KDM4C: variants seen among roughly 807,000 people sequenced by gnomAD.
KDM4C encodes lysine demethylase 4C.
Under a neutral mutation model 129.3 loss-of-function variants are expected in KDM4C, and 81 were observed. The ratio of observed to expected loss-of-function variants is 0.63; its 90% CI spans 0.52 to 0.75. KDM4C has a LOEUF of 0.75. Ranked by LOEUF, KDM4C falls within the 30% of genes least tolerant of loss-of-function variation. The pLI is 0.00. For missense variants in KDM4C, 1,457 were observed against 1,304.0 expected (o/e 1.12, Z -1.81); for synonymous variants, 573 against 456.1 (o/e 1.26, Z -3.26).
chr9:6,780,768 CAAA>C (rs34457968), intron 1 of KDM4C, among the ~76,000 whole-genome samples: 183 of 32,124 alleles, frequency 5.7e-3, no homozygotes, highest in African/African-American at 0.023. Flanking sequence ...AACTCCCTCT[CAAA>C]AAAAAAAAAA....
intron 5 of KDM4C, among the ~76,000 whole-genome samples, chr9:6,878,688 A>G (rs978993839): frequency 6.6e-6 from 1 of 152,118 alleles, no homozygotes; most frequent in Non-Finnish European, 1.5e-5. Flanking sequence ...AAATATCTCC[A>G]TATCCTACCT....
At chr9:7,102,488 G>T (rs1223289254) in intron 17 of KDM4C, among the ~76,000 whole-genome samples, 1 of 151,912 alleles carries the variant, frequency 6.6e-6, no homozygotes, top group South Asian at 2.1e-4. Context: ...ATACACATTG[G>T]GAATCCATTA....
At chr9:6,744,392 G>A (rs982506605) in intron 1 of KDM4C, among the ~76,000 whole-genome samples, 2 of 152,094 alleles carry the variant, frequency 1.3e-5, no homozygotes, top group South Asian at 2.1e-4. Context: ...GGGCATGGTG[G>A]CGTGCGCCTG....
intron 1 of KDM4C, among the ~76,000 whole-genome samples, chr9:6,770,410 T>G (rs924664704): frequency 6.6e-6 from 1 of 152,194 alleles, no homozygotes; most frequent in African/African-American, 2.4e-5. Flanking sequence ...CTATTTCATT[T>G]TGTAGATATT....
At chr9:7,124,533 A>G (rs534440484) in intron 18 of KDM4C, among the ~76,000 whole-genome samples, 1 of 152,210 alleles carries the variant, frequency 6.6e-6, no homozygotes, top group South Asian at 2.1e-4. Context: ...CACTCATATT[A>G]ATTACTACAT....
At chr9:6,744,468 T>C (rs2130275414) in intron 1 of KDM4C, among the ~76,000 whole-genome samples, 1 of 152,248 alleles carries the variant, frequency 6.6e-6, no homozygotes, top group East Asian at 1.9e-4. Flanking sequence ...GAGGTTGCAG[T>C]GAGCTGAGAT....
intron 1 of KDM4C, among the ~76,000 whole-genome samples, chr9:6,787,701 C>G (rs920648072): frequency 6.6e-5 from 10 of 152,212 alleles, no homozygotes; most frequent in African/African-American, 2.4e-4. Context: ...TGTAAATTGC[C>G]TCCTTGTCGA....
At chr9:6,906,535 G>A (rs926393087) in intron 8 of KDM4C, among the ~76,000 whole-genome samples, 2 of 152,164 alleles carry the variant, frequency 1.3e-5, no homozygotes, top group Non-Finnish European at 2.9e-5. Context: ...TAGTAGCTGG[G>A]ACTACAGGTG....
At chr9:6,834,366 A>G (rs971297790) in intron 4 of KDM4C, 1 of 316,962 alleles carries the variant, frequency 3.2e-6, no homozygotes, top group Admixed American at 4.0e-5. Context: ...TTTAAAAATC[A>G]TCTTGTTGGC....
intron 8 of KDM4C, among the ~76,000 whole-genome samples, chr9:6,946,090 T>G (rs1316494189): frequency 6.6e-6 from 1 of 152,170 alleles, no homozygotes; most frequent in East Asian, 1.9e-4. Flanking sequence ...TAGATGAGAA[T>G]GATCCTATGG....
chr9:6,778,553 G>A (rs539048785), intron 1 of KDM4C, among the ~76,000 whole-genome samples: 6 of 150,966 alleles, frequency 4.0e-5, no homozygotes, highest in African/African-American at 7.3e-5. Context: ...GATCACCTAA[G>A]GTCAGGAGTT....
intron 8 of KDM4C, among the ~76,000 whole-genome samples, chr9:6,928,552 C>G (rs1417044516): frequency 6.6e-6 from 1 of 151,904 alleles, no homozygotes; most frequent in Non-Finnish European, 1.5e-5. Context: ...ATTATCACTT[C>G]AAATGTTACG....
At chr9:6,784,468 G>T (rs1825042227) in intron 1 of KDM4C, among the ~76,000 whole-genome samples, 1 of 152,166 alleles carries the variant, frequency 6.6e-6, no homozygotes, top group Non-Finnish European at 1.5e-5. Context: ...CTGACCTCCA[G>T]TGGTCCACCC....
chr9:6,936,023 A>G (rs895935002), intron 8 of KDM4C, among the ~76,000 whole-genome samples: 3 of 152,190 alleles, frequency 2.0e-5, no homozygotes, highest in Non-Finnish European at 4.4e-5. Context: ...AATATTTCAC[A>G]TATTTTGCTT....
intron 4 of KDM4C, among the ~76,000 whole-genome samples, chr9:6,847,836 G>C (rs1380506835): frequency 6.6e-6 from 1 of 152,206 alleles, no homozygotes; most frequent in Admixed American, 6.5e-5. Context: ...ACCTGAGTCA[G>C]AGTTTCATTA....
At chr9:7,037,705 A>G (rs183349569) in intron 15 of KDM4C, among the ~76,000 whole-genome samples, 1 of 152,122 alleles carries the variant, frequency 6.6e-6, no homozygotes, top group Non-Finnish European at 1.5e-5. Flanking sequence ...CAGATTTTAT[A>G]TTTTTTCATT....
In KDM4C at chr9:7,149,373, C is replaced by T. The variant is rs563368011; in HGVS notation, c.2782-15865C>T. Among the ~76,000 whole-genome samples the T allele has an allele frequency of 5.9e-5, 9 of 152,322 alleles. No homozygotes were observed. In the East Asian group the frequency reaches 7.7e-4, roughly 13 times the overall value. ...TGGAAGCAGGCACTTCCGAGCCTGC[C>T]GGGGCAGGGGCCTTCCTGGGACCCT... On this transcript the variant is annotated intron_variant, in intron 19 of 21. Transcript: ENST00000381309.
intron 19 of KDM4C, among the ~76,000 whole-genome samples, chr9:7,158,020 C>T (rs1843374220): frequency 6.6e-6 from 1 of 152,152 alleles, no homozygotes; most frequent in Non-Finnish European, 1.5e-5. Flanking sequence ...TTAATTATTG[C>T]CCCAATTTCA....
chr9:7,084,136 A>G (rs1834851779), intron 17 of KDM4C, among the ~76,000 whole-genome samples: 1 of 152,186 alleles, frequency 6.6e-6, no homozygotes, highest in East Asian at 1.9e-4. Context: ...GGAGCTTAGG[A>G]AGAAAAGATC....
Sources: gnomAD v4.1 joint callset for allele counts (sites outside exome capture counted in the v4.1 genomes callset) on GRCh38, gnomAD v4.1.1 for gene constraint, MANE v1.5 for transcripts, NCBI Gene and HGNC (gene_info 2026-07-23, HGNC 2026-07-21) for gene names.